KIF9: variants seen among roughly 807,000 people sequenced by gnomAD.
The protein encoded by KIF9 is kinesin-like protein KIF9.
KIF9 carries 68 observed loss-of-function variants against 94.8 expected under a neutral mutation model. That is an observed-to-expected ratio of 0.72 (90% CI 0.59 to 0.88). The LOEUF (loss-of-function observed/expected upper bound fraction) is 0.88, where lower values mean the gene tolerates loss of function less well. Ranked by LOEUF, KIF9 falls within the 40% of genes least tolerant of loss-of-function variation. The pLI, the probability that KIF9 is intolerant of heterozygous loss-of-function variation, is 0.00. For synonymous variants in KIF9, 343 were observed against 362.1 expected (o/e 0.95, Z 0.60); for missense variants, 882 against 982.5 (o/e 0.90, Z 1.37).
chr3:47,282,057 C>T (rs1702404541), intron 1 of KIF9: 1 of 298,772 alleles, frequency 3.3e-6, no homozygotes, highest in Non-Finnish European at 4.9e-6. Context: ...TTTTCTCACC[C>T]AATGTGCCGG....
intron 9 of KIF9, among the ~76,000 whole-genome samples, chr3:47,261,997 C>A (rs1481474459): frequency 5.9e-5 from 9 of 152,136 alleles, no homozygotes; most frequent in East Asian, 1.9e-4. Flanking sequence ...GCTTCCATAC[C>A]CCCAATATAC....
chr3:47,271,368 A>G lies in KIF9; in HGVS notation c.460T>C (p.Ser154Pro), dbSNP rs762612385. ...GAGGGTCCAACATAGGGCAGAGTGG[A>G]CAGGAGATCAAACAGGCTCTCATTA... is the stretch of plus-strand genomic sequence containing the variant. ...IYNESLFDLLSTLPYVGPSVT... is the reference protein window; with the variant it reads ...IYNESLFDLLPTLPYVGPSVT... The change falls in exon 5 of 21, where the codon TCC (serine) becomes CCC (proline). Residue 154 changes from serine to proline, a missense_variant. By Grantham distance (74) the Ser-to-Pro change is moderately conservative (BLOSUM62 -1). Transcript: ENST00000684063. 2.5e-6 allele frequency: 4 copies of G among 1,614,022 alleles called. No homozygotes were observed. Among genetic ancestry groups the G allele is most frequent in the Non-Finnish European group, 3.4e-6 (4 of 1,179,964 alleles).
chr3:47,229,196 T>C (rs994684876), intron 20 of KIF9, among the ~76,000 whole-genome samples: 2 of 152,200 alleles, frequency 1.3e-5, no homozygotes, highest in Admixed American at 1.3e-4. Context: ...ACGCTAAAAC[T>C]AGCTTGGAAC....
chr3:47,228,577 G>A lies in KIF9; in HGVS notation c.*75C>T. 1.7e-6 allele frequency: 2 copies of A among 1,205,708 alleles called. No homozygotes were observed. The highest frequency in any genetic ancestry group is 2.5e-6 in the Non-Finnish European group (2 of 807,546). The allele number at this position is 1,205,708 out of a possible 1,614,324, so 74.7% of individuals were successfully genotyped here. A position where few individuals can be genotyped will look rare whatever the true frequency, so the allele number is the denominator to read the frequency against. On this transcript the variant is annotated 3_prime_UTR_variant, in exon 21 of 21. Coordinates refer to ENST00000684063, the MANE Select transcript of KIF9 (RefSeq NM_182902.4). ...GGAGTAGAGGGGGCTGCAGCTCTGG[G>A]CAGGTGGTTGAGCAGCTCCACTACA...
At chr3:47,263,738 T>C in intron 9 of KIF9, 1 of 404,580 alleles carries the variant, frequency 2.5e-6, no homozygotes, top group Non-Finnish European at 4.9e-6. Context: ...GGGCCTCACG[T>C]TACTTAGGAC....
At chr3:47,237,087 C>T (rs1699079463) in intron 17 of KIF9, among the ~76,000 whole-genome samples, 1 of 152,114 alleles carries the variant, frequency 6.6e-6, no homozygotes, top group African/African-American at 2.4e-5. Flanking sequence ...ACACATCCAC[C>T]AGCTACTTTC....
chr3:47,268,962 G>T (rs1701462695), intron 5 of KIF9, among the ~76,000 whole-genome samples: 1 of 152,012 alleles, frequency 6.6e-6, no homozygotes, highest in Non-Finnish European at 1.5e-5. Flanking sequence ...TTAATAGAGA[G>T]GGGGTTTCAC....
In KIF9 at chr3:47,277,390, G is replaced by A. The variant is rs770646713; in HGVS notation, c.-5-11C>T. 1 of 1,589,958 alleles carries A rather than the reference G, an allele frequency of 6.3e-7. No individual in the cohort carries two copies. The highest frequency in any genetic ancestry group is 2.2e-5 in the East Asian group (1 of 44,624). On this transcript the variant is annotated splice_polypyrimidine_tract_variant and intron_variant, in intron 1 of 20. Coordinates refer to ENST00000684063, the MANE Select transcript of KIF9 (RefSeq NM_182902.4). ...TAGTACCCATTCTAGCTAAAAAGAA[G>A]GGAACAATGAAATTTTGAGTAGTCA...
Position 47,247,460 on chromosome 3 carries a change from C to T in KIF9, c.1146G>A (p.Val382=). The T allele has an allele frequency of 6.2e-7, 1 of 1,613,458 alleles. No homozygotes were observed. Among genetic ancestry groups the T allele is most frequent in the Non-Finnish European group, 8.5e-7 (1 of 1,179,454 alleles). The change falls in exon 12 of 21, where the codon GTG becomes GTA. Residue 382 remains valine, a synonymous_variant. Transcript: ENST00000684063. Reference sequence around the variant, plus strand: ...GGATTTCATCCATGGGGTCATAGGTCACAAAGGTGCGGTTGGTCTTGAAGG... The same window carrying T: ...GGATTTCATCCATGGGGTCATAGGTTACAAAGGTGCGGTTGGTCTTGAAGG... ...IHDSLTNRTF[V]TYDPMDEIQI... is the part of the protein sequence containing the mutation.
chr3:47,241,884 ATTTTTTT>A (rs199875749), intron 16 of KIF9, among the ~76,000 whole-genome samples: 2 of 114,290 alleles, frequency 1.7e-5, no homozygotes, highest in Middle Eastern at 4.3e-3. Flanking sequence ...ATATATATAT[ATTTTTTT>A]TTTTTTTTCT....
At chr3:47,281,658 C>G (rs1456858210) in intron 1 of KIF9, among the ~76,000 whole-genome samples, 1 of 152,172 alleles carries the variant, frequency 6.6e-6, no homozygotes, top group Non-Finnish European at 1.5e-5. Context: ...CCCTCCCTTT[C>G]TCCCTCAGGA....
chr3:47,275,621 C>T, intron 2 of KIF9, 131 bp from the exon 3 acceptor site: 2 of 660,050 alleles, frequency 3.0e-6, no homozygotes, highest in Non-Finnish European at 5.2e-6. Flanking sequence ...GGGACTCCCA[C>T]GTAGGGGCTG....
chr3:47,261,818 CT>C (rs1700991925), intron 9 of KIF9, among the ~76,000 whole-genome samples: 1 of 152,210 alleles, frequency 6.6e-6, no homozygotes, highest in South Asian at 2.1e-4. Flanking sequence ...GGTGTTGCTT[CT>C]ATGCAGGGCC....
Position 47,232,347 on chromosome 3 carries a change from C to T in KIF9, c.2322+3166G>A, listed in dbSNP as rs575446712. ...TCACCCAGGCTGGAGTGCAGTGGTG[C>T]GATCTCAGCTCACCGCAACCTCCAC... On this transcript the variant is annotated intron_variant, in intron 20 of 20. Transcript: ENST00000684063. Among the ~76,000 whole-genome samples, 301 of 152,024 alleles carry T rather than the reference C, an allele frequency of 2.0e-3. 1 individual carries two copies. Among genetic ancestry groups the T allele is most frequent in the Non-Finnish European group, 3.0e-3 (207 of 67,978 alleles).
At chr3:47,256,519 G>C (rs552864073) in intron 10 of KIF9, among the ~76,000 whole-genome samples, 6 of 151,302 alleles carry the variant, frequency 4.0e-5, no homozygotes, top group African/African-American at 1.2e-4. Context: ...GGAGGGAGGT[G>C]GGGGGGTCGG....
chr3:47,258,524 C>A (rs1010659864), intron 9 of KIF9, among the ~76,000 whole-genome samples: 1 of 152,168 alleles, frequency 6.6e-6, no homozygotes, highest in African/African-American at 2.4e-5. Context: ...GAAATATAAT[C>A]CCCAATGCTG....
intron 7 of KIF9, among the ~76,000 whole-genome samples, chr3:47,266,350 C>T (rs1470607097): frequency 1.3e-5 from 2 of 152,264 alleles, no homozygotes; most frequent in East Asian, 3.9e-4. Context: ...TACTCATATT[C>T]ATTCACAAAG....
At chr3:47,267,501 G>A (rs1002552639) in intron 5 of KIF9, among the ~76,000 whole-genome samples, 6 of 152,190 alleles carry the variant, frequency 3.9e-5, no homozygotes, top group Non-Finnish European at 8.8e-5. Context: ...GGAAAGCAAA[G>A]TGACAATAAA....
chr3:47,277,897 T>C (rs939938341), intron 1 of KIF9, among the ~76,000 whole-genome samples: 3 of 152,204 alleles, frequency 2.0e-5, no homozygotes, highest in African/African-American at 7.2e-5. Flanking sequence ...ATAAATATTC[T>C]TTCTTCTCTT....
Sources: gnomAD v4.1 joint callset for allele counts (sites outside exome capture counted in the v4.1 genomes callset) on GRCh38, gnomAD v4.1.1 for gene constraint, MANE v1.5 for transcripts, NCBI Gene and HGNC (gene_info 2026-07-23, HGNC 2026-07-21) for gene names.